DAGLA: variants seen among roughly 807,000 people sequenced by gnomAD.
DAGLA encodes diacylglycerol lipase alpha.
DAGLA carries 22 observed loss-of-function variants against 102.6 expected under a neutral mutation model. The observed-to-expected ratio is 0.21, with a 90% confidence interval of 0.15 to 0.31. DAGLA has a LOEUF of 0.31. DAGLA is among the 10% of genes least tolerant of loss of function. The pLI is 1.00. For missense variants in DAGLA, 927 were observed against 1,446.6 expected (o/e 0.64, Z 5.83); for synonymous variants, 578 against 628.9 (o/e 0.92, Z 1.21).
Position 61,744,529 on chromosome 11 carries a change from G to A in DAGLA, c.*40G>A, listed in dbSNP as rs769921709. On this transcript the variant is annotated 3_prime_UTR_variant, in exon 20 of 20. Coordinates refer to ENST00000257215, the MANE Select transcript of DAGLA (RefSeq NM_006133.3). The stretch of plus-strand genomic sequence containing the variant: ...GGCCAGCCGGGCCCAGGCAGGAGCA[G>A]GTGGCCCTGTGGGCACCTGGTGCCT... 2.0e-6 allele frequency: 3 copies of A among 1,504,082 alleles called. No individual in the cohort carries two copies. Among genetic ancestry groups the A allele is most frequent in the Non-Finnish European group, 1.8e-6 (2 of 1,123,278 alleles). The allele number at this position is 1,504,082 out of a possible 1,614,324, so 93.2% of individuals were successfully genotyped here.
chr11:61,740,173 A>G (rs957399892), intron 17 of DAGLA, among the ~76,000 whole-genome samples: 2 of 152,144 alleles, frequency 1.3e-5, no homozygotes, highest in African/African-American at 4.8e-5. Flanking sequence ...TCCTCCCCTG[A>G]CACAGCTGGT....
chr11:61,705,807 C>T (rs921216222), intron 1 of DAGLA, among the ~76,000 whole-genome samples: 69 of 152,350 alleles, frequency 4.5e-4, no homozygotes, highest in African/African-American at 1.6e-3. Flanking sequence ...TTCACACCAC[C>T]CAGGGCCCAC....
At position 61,735,832 on chromosome 11, in the gene DAGLA, G is replaced by T; in HGVS notation, c.1290+16G>T. On this transcript the variant is annotated intron_variant, in intron 12 of 19. Coordinates refer to ENST00000257215, the MANE Select transcript of DAGLA (RefSeq NM_006133.3). ...GGGCCACAAGGTAACCCACGTCATG[G>T]ACCCCAGGGCCCCTGGGCTTCTTTC... 6.3e-7 allele frequency: 1 copy of T among 1,598,766 alleles called. No homozygotes were observed.
At chr11:61,688,470 G>T (rs1313271423) in intron 1 of DAGLA, among the ~76,000 whole-genome samples, 1 of 152,226 alleles carries the variant, frequency 6.6e-6, no homozygotes, top group Non-Finnish European at 1.5e-5. Context: ...GAATTCTGCA[G>T]CTTGCCAGCT....
Position 61,744,774 on chromosome 11 carries a change from G to C in DAGLA, c.*285G>C, listed in dbSNP as rs963957794. On this transcript the variant is annotated 3_prime_UTR_variant, in exon 20 of 20. Coordinates refer to ENST00000257215, the MANE Select transcript of DAGLA (RefSeq NM_006133.3). ...TGGGTGGGCCACACTCAGCCTGACT[G>C]CCCTCCATGGGGGCATTCTGGCACC... The C allele has an allele frequency of 1.6e-5, 6 of 378,958 alleles. No individual in the cohort carries two copies. Among genetic ancestry groups the C allele is most frequent in the African/African-American group, 1.2e-4 (6 of 48,686 alleles). 23.5% of individuals were successfully genotyped at this position (378,958 alleles called of 1,614,324 possible).
At chr11:61,683,019 T>C (rs2064957508) in intron 1 of DAGLA, among the ~76,000 whole-genome samples, 1 of 152,180 alleles carries the variant, frequency 6.6e-6, no homozygotes, top group Admixed American at 6.5e-5. Context: ...AGTGCTTTGC[T>C]CTCTGCCACC....
intron 1 of DAGLA, among the ~76,000 whole-genome samples, chr11:61,681,863 G>T (rs954634267): frequency 6.6e-6 from 1 of 152,194 alleles, no homozygotes; most frequent in Non-Finnish European, 1.5e-5. Context: ...GCATCACCTA[G>T]TGCCTTACTT....
intron 16 of DAGLA, 78 bp from the exon 17 acceptor site, chr11:61,739,387 T>C: frequency 7.9e-6 from 8 of 1,015,614 alleles, no homozygotes; most frequent in Admixed American, 3.8e-5. Flanking sequence ...TGAGCCCCCC[T>C]TCTCGGTCCC....
chr11:61,741,392 G>A (rs2065478783), intron 19 of DAGLA, 43 bp downstream of exon 19: 1 of 1,578,014 alleles, frequency 6.3e-7, no homozygotes, highest in Admixed American at 1.7e-5. Context: ...GGTGAGTGTG[G>A]TTCAGAGCAC....
At chr11:61,740,344 G>C (rs2065466618) in intron 17 of DAGLA, 119 bp from the exon 18 acceptor site, 1 of 1,327,034 alleles carries the variant, frequency 7.5e-7, no homozygotes, top group Admixed American at 2.1e-5. Context: ...GGCAGGCCAG[G>C]GGCCTCCAAA....
At chr11:61,691,744 G>A (rs1185610889) in intron 1 of DAGLA, among the ~76,000 whole-genome samples, 1 of 152,254 alleles carries the variant, frequency 6.6e-6, no homozygotes, top group Non-Finnish European at 1.5e-5. Context: ...ACCGCAGGGG[G>A]TGTTGGGATG....
At chr11:61,717,873 A>T (rs1273766502) in intron 1 of DAGLA, among the ~76,000 whole-genome samples, 1 of 152,216 alleles carries the variant, frequency 6.6e-6, no homozygotes, top group East Asian at 1.9e-4. Flanking sequence ...GCGTCTTGAC[A>T]GTCCTTCAGC....
chr11:61,722,732 G>A (rs1167039425), intron 3 of DAGLA, 127 bp from the exon 4 acceptor site: 6 of 757,204 alleles, frequency 7.9e-6, no homozygotes, highest in African/African-American at 3.4e-5. Flanking sequence ...CTAATGGCCC[G>A]CTGCCTCTGC....
intron 1 of DAGLA, among the ~76,000 whole-genome samples, chr11:61,707,931 A>C (rs528014078): frequency 1.3e-5 from 2 of 152,202 alleles, no homozygotes; most frequent in African/African-American, 4.8e-5. Flanking sequence ...TGGGAGTTTT[A>C]ATTTTATTTA....
chr11:61,704,394 A>G (rs1250972464), intron 1 of DAGLA, among the ~76,000 whole-genome samples: 2 of 152,220 alleles, frequency 1.3e-5, no homozygotes, highest in African/African-American at 4.8e-5. Context: ...TGCTGGGATT[A>G]CAGGCGTGAG....
chr11:61,707,550 A>G lies in DAGLA; in HGVS notation c.-44-12562A>G, dbSNP rs117918522. ...GGGTCTTCTTGGGAACTACAGTGTAATGGAGGAGGTGAGGCAGACACACCA... is the reference window on the plus strand; with the variant it reads ...GGGTCTTCTTGGGAACTACAGTGTAGTGGAGGAGGTGAGGCAGACACACCA... On this transcript the variant is annotated intron_variant, in intron 1 of 19. Transcript: ENST00000257215. Among the ~76,000 whole-genome samples the G allele has an allele frequency of 1.4e-3, 212 of 152,334 alleles. 6 individuals are homozygous for G. The East Asian group carries it at 0.028, about 20-fold the overall frequency.
chr11:61,697,459 A>G (rs1458858687), intron 1 of DAGLA, among the ~76,000 whole-genome samples: 1 of 152,142 alleles, frequency 6.6e-6, no homozygotes, highest in South Asian at 2.1e-4. Flanking sequence ...TGCCAAGGAC[A>G]GGAGGACAGC....
chr11:61,711,585 C>T (rs548320922), intron 1 of DAGLA, among the ~76,000 whole-genome samples: 109 of 152,334 alleles, frequency 7.2e-4, no homozygotes, highest in African/African-American at 2.5e-3. Context: ...CCTCACTTCC[C>T]GCTCCCCAGC....
chr11:61,737,994 A>C (rs2065440073), intron 15 of DAGLA, 141 bp from the exon 16 acceptor site: 3 of 717,888 alleles, frequency 4.2e-6, no homozygotes, highest in Non-Finnish European at 7.1e-6. Flanking sequence ...CTCTGTGGAC[A>C]CCTCTCCACC....
Sources: gnomAD v4.1 joint callset for allele counts (sites outside exome capture counted in the v4.1 genomes callset) on GRCh38, gnomAD v4.1.1 for gene constraint, MANE v1.5 for transcripts, NCBI Gene and HGNC (gene_info 2026-07-23, HGNC 2026-07-21) for gene names.